The following G2E3 variants were observed in gnomAD, a reference collection of about 807,000 sequenced individuals.
The protein encoded by G2E3 is G2/M-phase specific E3 ubiquitin protein ligase, also known as G2/M phase-specific E3 ubiquitin-protein ligase.
G2E3 carries 35 observed loss-of-function variants against 92.8 expected under a neutral mutation model. The observed-to-expected ratio is 0.38, with a 90% CI of 0.29 to 0.50. The LOEUF is 0.50. Ranked by LOEUF, G2E3 falls within the 20% of genes least tolerant of loss-of-function variation. G2E3 has a pLI of 0.94. For missense variants in G2E3, 554 were observed against 823.8 expected (o/e 0.67, Z 4.01); for synonymous variants, 242 against 272.4 (o/e 0.89, Z 1.10).
chr14:30,560,735 A>C, intron 1 of G2E3: 2 of 698,010 alleles, frequency 2.9e-6, no homozygotes, highest in South Asian at 3.0e-5. Context: ...TGTATACACT[A>C]CCTTGAAGGA....
At chr14:30,607,831 G>A in intron 11 of G2E3, 57 bp from the exon 12 acceptor site, 1 of 872,158 alleles carries the variant, frequency 1.1e-6, no homozygotes, top group South Asian at 1.8e-5. Context: ...TATAAAAAAT[G>A]ATGGTTATCT....
chr14:30,579,185 C>T (rs1204373172), intron 1 of G2E3, among the ~76,000 whole-genome samples: 1 of 152,084 alleles, frequency 6.6e-6, no homozygotes, highest in Non-Finnish European at 1.5e-5. Context: ...ATCCAAGAGA[C>T]AATAAAGGAG....
chr14:30,600,135 C>A (rs1160539313), intron 8 of G2E3, among the ~76,000 whole-genome samples: 1 of 152,114 alleles, frequency 6.6e-6, no homozygotes, highest in African/African-American at 2.4e-5. Context: ...TGTAGTCTTA[C>A]TTAACATAGT....
chr14:30,612,298 C>T lies in G2E3; in HGVS notation c.1592C>T (p.Thr531Met), dbSNP rs367839066. 15 of 1,602,106 alleles carry T rather than the reference C, an allele frequency of 9.4e-6. No individual in the cohort carries two copies. Among genetic ancestry groups the T allele is most frequent in the South Asian group, 2.2e-5 (2 of 90,534 alleles). ...LELIGCLRLI[T>M]TLSDKYMLVK... ...TTAATTGGATGTCTCAGACTTATAA[C>T]GACATTAAGTGATAAATATATGTTA... The change falls in exon 13 of 15, where the codon ACG becomes ATG. Residue 531 changes from threonine (T) to methionine (M), a missense_variant. Transcript: ENST00000206595.
intron 14 of G2E3, 152 bp from the exon 15 acceptor site, chr14:30,616,126 C>A: frequency 4.8e-6 from 3 of 619,586 alleles, no homozygotes; most frequent in Middle Eastern, 4.3e-4. Flanking sequence ...GTTACTACAT[C>A]TGACTTTGTG....
At chr14:30,597,186 T>C (rs571350742) in intron 6 of G2E3, among the ~76,000 whole-genome samples, 3 of 152,288 alleles carry the variant, frequency 2.0e-5, no homozygotes, top group South Asian at 4.1e-4. Context: ...GAAAAAAATA[T>C]ATGGGTGATG....
Position 30,612,346 on chromosome 14 carries a change from A to G in G2E3, c.1640A>G (p.His547Arg). 5 of 1,607,824 alleles carry G rather than the reference A, an allele frequency of 3.1e-6. No homozygotes were observed. Among genetic ancestry groups the G allele is most frequent in the Non-Finnish European group, 4.3e-6 (5 of 1,175,842 alleles). ...YMLVKDILGY[H>R]VIQRVHTPFE... ...TTAGTAAAAGACATACTTGGCTACCATGTAATTCAGAGAGTCCACACACCC... is the reference window on the plus strand; with the variant it reads ...TTAGTAAAAGACATACTTGGCTACCGTGTAATTCAGAGAGTCCACACACCC... The change falls in exon 13 of 15, where the codon CAT becomes CGT. Residue 547 changes from histidine to arginine, a missense_variant. By Grantham distance (29) the His-to-Arg change is conservative (BLOSUM62 0). This residue lies in a region of G2E3 where 397 missense variants were observed against 560.3 expected (regional missense o/e 0.71). Coordinates refer to ENST00000206595, the MANE Select transcript of G2E3 (RefSeq NM_017769.5).
chr14:30,576,658 C>T (rs1880111282), intron 1 of G2E3, among the ~76,000 whole-genome samples: 1 of 152,106 alleles, frequency 6.6e-6, no homozygotes. Context: ...AGTGCTGAAT[C>T]AGAGAAATTA....
chr14:30,586,792 C>A lies in G2E3; in HGVS notation c.112C>A (p.Leu38Ile). ...GEKKTKEKWNLTVHYYCLLMS... is the reference protein window; with the variant it reads ...GEKKTKEKWNITVHYYCLLMS... ...AAAGAAAACTAAGGAGAAATGGAATCTCACTGTACATTACTACTGTTTGGT... is the reference window on the plus strand; with the variant it reads ...AAAGAAAACTAAGGAGAAATGGAATATCACTGTACATTACTACTGTTTGGT... The change falls in exon 3 of 15, where the codon CTC (leucine) becomes ATC (isoleucine). Residue 38 changes from leucine (L) to isoleucine (I), a missense_variant. Physicochemically the swap from Leu to Ile is conservative, Grantham distance 5. Around this residue, in one of 3 missense-constraint regions of G2E3, gnomAD observed 137 missense variants for 201.3 expected, o/e 0.68. Transcript: ENST00000206595. 7.4e-7 allele frequency: 1 copy of A among 1,343,996 alleles called. No individual in the cohort carries two copies. The highest frequency in any genetic ancestry group is 1.0e-6 in the Non-Finnish European group (1 of 969,216). The allele number at this position is 1,343,996 out of a possible 1,614,324, so 83.3% of individuals were successfully genotyped here. A position where few individuals can be genotyped will look rare whatever the true frequency, so the allele number is the denominator to read the frequency against.
chr14:30,615,265 C>T, intron 13 of G2E3, 84 bp from the exon 14 acceptor site: 2 of 654,576 alleles, frequency 3.1e-6, no homozygotes, highest in East Asian at 2.8e-5. Context: ...TGAAAACATG[C>T]CAGATAAAAT....
intron 12 of G2E3, chr14:30,611,820 C>CT (rs33919348): frequency 0.13 from 20,361 of 151,798 alleles, 2,109 homozygotes; most frequent in African/African-American, 0.3. Flanking sequence ...CACACCAGGC[C>CT]TTTTTTTTTT....
intron 2 of G2E3, among the ~76,000 whole-genome samples, chr14:30,582,749 A>G (rs1880502490): frequency 6.6e-6 from 1 of 152,202 alleles, no homozygotes. Flanking sequence ...GAAGGGAAGG[A>G]AGAGGAGCTG....
chr14:30,573,226 T>C (rs1408100458), intron 1 of G2E3, among the ~76,000 whole-genome samples: 2 of 152,148 alleles, frequency 1.3e-5, no homozygotes, highest in African/African-American at 2.4e-5. Context: ...ACCTCTACCA[T>C]TGAATGTCTT....
rs778769231 is a variant in G2E3, at chr14:30,605,566, A to T, written c.1072A>T (p.Lys358Ter). The change falls in exon 11 of 15, where the codon AAA (lysine) becomes TAA (stop). Residue 358 changes from lysine (K) to a stop codon, truncating the protein, a stop_gained. Coordinates refer to ENST00000206595, the MANE Select transcript of G2E3 (RefSeq NM_017769.5). LOFTEE classifies it high-confidence loss of function. ...ATTAATAGAGTTAGGATTCCAAATTAAAAAAAAAACTAAAAGATTGTATAT... is the reference window on the plus strand; with the variant it reads ...ATTAATAGAGTTAGGATTCCAAATTTAAAAAAAAACTAAAAGATTGTATAT... Reference protein sequence around the residue: ...TLLIELGFQIKKKTKRLYINK... With the variant: ...TLLIELGFQI 7 of 1,375,160 alleles carry T rather than the reference A, an allele frequency of 5.1e-6. No homozygotes were observed. The highest frequency in any genetic ancestry group is 1.8e-4 in the Middle Eastern group (1 of 5,472). 85.2% of individuals were successfully genotyped at this position (1,375,160 alleles called of 1,614,324 possible).
chr14:30,610,389 T>TG (rs1882031551), intron 12 of G2E3, among the ~76,000 whole-genome samples: 1 of 152,016 alleles, frequency 6.6e-6, no homozygotes, highest in African/African-American at 2.4e-5. Context: ...AACAGGTGGG[T>TG]GGATCACCGG....
At chr14:30,578,929 A>G (rs1880273796) in intron 1 of G2E3, among the ~76,000 whole-genome samples, 1 of 152,040 alleles carries the variant, frequency 6.6e-6, no homozygotes, top group Non-Finnish European at 1.5e-5. Context: ...CCCTCGTTGA[A>G]TTGCTTTGGT....
In G2E3 at chr14:30,601,665, G is replaced by T. The variant is rs1303720859; in HGVS notation, c.753-105G>T. 7.0e-6 allele frequency: 7 copies of T among 1,002,634 alleles called. No individual in the cohort carries two copies. The Admixed American group carries it at 1.1e-4, about 16-fold the overall frequency. 62.1% of individuals were successfully genotyped at this position (1,002,634 alleles called of 1,614,324 possible). ...TTCCTTTAGTAAATCGATTGGGCGGGTGTGTGCGTGTTTGTGTGTAAGAAG... is the reference window on the plus strand; with the variant it reads ...TTCCTTTAGTAAATCGATTGGGCGGTTGTGTGCGTGTTTGTGTGTAAGAAG... On this transcript the variant is annotated intron_variant, in intron 8 of 14. Coordinates refer to ENST00000206595, the MANE Select transcript of G2E3 (RefSeq NM_017769.5).
At position 30,616,758 on chromosome 14, in the gene G2E3, G is replaced by T. The variant is rs1295784326; in HGVS notation, c.*224G>T. On this transcript the variant is annotated 3_prime_UTR_variant, in exon 15 of 15. Coordinates refer to ENST00000206595, the MANE Select transcript of G2E3 (RefSeq NM_017769.5). ...ATTGGTGATAATTTCTCATTTTCTT[G>T]ATATAGATACTTCATAAACCTCAAT... is the stretch of plus-strand genomic sequence containing the variant. 2 of 385,230 alleles carry T rather than the reference G, an allele frequency of 5.2e-6. No individual in the cohort carries two copies. The highest frequency in any genetic ancestry group is 2.1e-5 in the African/African-American group (1 of 47,160). The allele number at this position is 385,230 out of a possible 1,614,324, so 23.9% of individuals were successfully genotyped here.
intron 8 of G2E3, among the ~76,000 whole-genome samples, chr14:30,600,831 G>C (rs1202069248): frequency 6.6e-6 from 1 of 152,240 alleles, no homozygotes; most frequent in African/African-American, 2.4e-5. Flanking sequence ...GAGTGGACAA[G>C]TTATTGACCC....
Sources: allele counts gnomAD v4.1 joint callset (sites outside exome capture counted in the v4.1 genomes callset), GRCh38; gene constraint gnomAD v4.1.1; regional missense constraint gnomAD v4.1.1; transcripts MANE v1.5; gene names NCBI Gene and HGNC (gene_info 2026-07-23, HGNC 2026-07-21).